The following ZFP64 variants were observed in gnomAD, a reference collection of about 807,000 sequenced individuals.
The protein encoded by ZFP64 is ZFP64 zinc finger protein, also known as zinc finger protein 64.
In ZFP64, 14 loss-of-function variants were observed where a neutral mutation model predicts 51.6. The observed-to-expected ratio is 0.27, with a 90% CI of 0.18 to 0.42. The LOEUF is 0.42. Among genes scored for constraint, ZFP64 ranks in the 10% least tolerant of loss-of-function variants. ZFP64 has a pLI of 1.00. For missense variants in ZFP64, 754 were observed against 906.8 expected (o/e 0.83, Z 2.16); for synonymous variants, 375 against 361.4 (o/e 1.04, Z -0.43).
At chr20:52,104,238 G>A (rs756755171) in intron 5 of ZFP64, among the ~76,000 whole-genome samples, 6 of 152,238 alleles carry the variant, frequency 3.9e-5, no homozygotes, top group East Asian at 1.9e-4. Flanking sequence ...AGATTCCAGT[G>A]GAGGCGGGGG....
Position 52,152,544 on chromosome 20 carries a change from C to T in ZFP64, c.1648G>A (p.Ala550Thr), listed in dbSNP as rs901189782. 6.9e-6 allele frequency: 11 copies of T among 1,582,816 alleles called. No individual in the cohort carries two copies. Among genetic ancestry groups the T allele is most frequent in the East Asian group, 6.7e-5 (3 of 44,642 alleles). The stretch of plus-strand genomic sequence containing the variant: ...GGACACCGCGAGGACTGAGGGGGGG[C>T]GATCAGACTGACCTGGCGCAGGATC... ...LQILRQVSLI[A>T]PPQSSRCPSE... is the part of the protein sequence containing the mutation. The change falls in exon 6 of 6, where the codon GCC (alanine) becomes ACC (threonine). Residue 550 changes from alanine to threonine, a missense_variant. By Grantham distance (58) the Ala-to-Thr change is moderately conservative. Coordinates refer to ENST00000216923, the MANE Select transcript of ZFP64 (RefSeq NM_018197.3).
intron 7 of ZFP64, chr20:52,088,818 C>T: frequency 1.3e-6 from 1 of 798,454 alleles, no homozygotes; most frequent in South Asian, 1.6e-5. Context: ...GTGTATCATT[C>T]ATTGATAGTT....
chr20:52,162,557 G>A (rs1405211070), intron 4 of ZFP64, among the ~76,000 whole-genome samples: 1 of 151,954 alleles, frequency 6.6e-6, no homozygotes, highest in African/African-American at 2.4e-5. Context: ...AACCCGGGAG[G>A]CAGAGCTTGC....
chr20:52,087,363 T>TC (rs768629150), intron 8 of ZFP64, among the ~76,000 whole-genome samples: 32 of 152,336 alleles, frequency 2.1e-4, no homozygotes, highest in South Asian at 6.2e-4. Flanking sequence ...CCAATTTTTT[T>TC]CCCGTAATCT....
intron 5 of ZFP64, among the ~76,000 whole-genome samples, chr20:52,127,423 T>C (rs1979497872): frequency 6.6e-6 from 1 of 152,096 alleles, no homozygotes; most frequent in Non-Finnish European, 1.5e-5. Context: ...GTAAAGGTAA[T>C]TGGATCATGG....
intron 7 of ZFP64, among the ~76,000 whole-genome samples, chr20:52,090,896 C>G (rs1568940745): frequency 7.4e-6 from 1 of 135,234 alleles, no homozygotes; most frequent in Admixed American, 8.1e-5. Context: ...TCTAGACCAG[C>G]CTGGGCAACA....
intron 5 of ZFP64, among the ~76,000 whole-genome samples, chr20:52,121,247 A>G (rs1979176181): frequency 6.6e-6 from 1 of 152,208 alleles, no homozygotes; most frequent in African/African-American, 2.4e-5. Context: ...CAAGCTGGCA[A>G]TGATTAAGCT....
At chr20:52,088,759 G>T in intron 7 of ZFP64, 1 of 1,307,472 alleles carries the variant, frequency 7.6e-7, no homozygotes, top group South Asian at 1.3e-5. Flanking sequence ...TCCAAATACT[G>T]AGAGAGAAAG....
chr20:52,111,374 G>T (rs1025257043), intron 5 of ZFP64, among the ~76,000 whole-genome samples: 2 of 151,682 alleles, frequency 1.3e-5, no homozygotes, highest in African/African-American at 4.8e-5. Flanking sequence ...GCACCACCAC[G>T]CCCAGCTAAT....
chr20:52,157,045 T>C (rs1200465891), intron 5 of ZFP64, among the ~76,000 whole-genome samples: 1 of 152,206 alleles, frequency 6.6e-6, no homozygotes, highest in African/African-American at 2.4e-5. Flanking sequence ...TCCAGCCAGC[T>C]TTCCCAAGTA....
chr20:52,172,382 G>A (rs1048518917), intron 2 of ZFP64, among the ~76,000 whole-genome samples: 1 of 152,136 alleles, frequency 6.6e-6, no homozygotes, highest in African/African-American at 2.4e-5. Context: ...TGTTGTTCTA[G>A]TAAAGATTCA....
At chr20:52,156,303 C>G (rs1485655830) in intron 5 of ZFP64, among the ~76,000 whole-genome samples, 2 of 152,214 alleles carry the variant, frequency 1.3e-5, no homozygotes, top group African/African-American at 4.8e-5. Flanking sequence ...AAAGCCTCAA[C>G]CATGTCGTTG....
intron 5 of ZFP64, among the ~76,000 whole-genome samples, chr20:52,126,265 A>G (rs1377395263): frequency 1.3e-5 from 2 of 152,182 alleles, no homozygotes; most frequent in Admixed American, 6.5e-5. Context: ...TACTATCCCC[A>G]TTATAGAGAA....
intron 4 of ZFP64, 92 bp downstream of exon 4, chr20:52,164,603 G>T: frequency 9.4e-7 from 1 of 1,066,142 alleles, no homozygotes; most frequent in Non-Finnish European, 1.4e-6. Flanking sequence ...AGTGACGTTT[G>T]GAGTGGTATC....
At chr20:52,106,109 G>A (rs979244772) in intron 5 of ZFP64, among the ~76,000 whole-genome samples, 1 of 152,194 alleles carries the variant, frequency 6.6e-6, no homozygotes, top group African/African-American at 2.4e-5. Flanking sequence ...GGGCGCACCG[G>A]CTCTTGGACC....
Position 52,153,935 on chromosome 20 carries a change from T to C in ZFP64, c.764-507A>G, listed in dbSNP as rs1981096504. Among the ~76,000 whole-genome samples the C allele has an allele frequency of 6.6e-6, 1 of 152,220 alleles. No individual in the cohort carries two copies. Among genetic ancestry groups the C allele is most frequent in the Non-Finnish European group, 1.5e-5 (1 of 68,030 alleles). ...ACCCAGCTTATATTTCATGCAGATC[T>C]TTATTAATAAAGATGTGTTTCTTGC... On this transcript the variant is annotated intron_variant, in intron 5 of 5. Coordinates refer to ENST00000216923, the MANE Select transcript of ZFP64 (RefSeq NM_018197.3). The surrounding 1 kb of genome is among the most constrained non-coding windows in gnomAD (Gnocchi z 5.1).
chr20:52,164,636 C>T, intron 4 of ZFP64, 59 bp downstream of exon 4: 1 of 1,420,132 alleles, frequency 7.0e-7, no homozygotes. Context: ...TATGTGGATC[C>T]CCATCTCCTA....
chr20:52,162,499 C>T (rs1051836112), intron 4 of ZFP64, among the ~76,000 whole-genome samples: 7 of 151,754 alleles, frequency 4.6e-5, no homozygotes, highest in African/African-American at 9.7e-5. Flanking sequence ...TGGTGGCAGG[C>T]GCCTGTAGTC....
At chr20:52,110,982 A>C (rs937364486) in intron 5 of ZFP64, 7 of 1,500,112 alleles carry the variant, frequency 4.7e-6, no homozygotes, top group Non-Finnish European at 5.6e-6. Flanking sequence ...TGCTTTTGGG[A>C]ATGACCTTGT....
Sources: allele counts gnomAD v4.1 joint callset (sites outside exome capture counted in the v4.1 genomes callset), GRCh38; gene constraint gnomAD v4.1.1; non-coding constraint Gnocchi (gnomAD v3.1); transcripts MANE v1.5; gene names NCBI Gene and HGNC (gene_info 2026-07-23, HGNC 2026-07-21).